FBXL4: variants seen among roughly 807,000 people sequenced by gnomAD.
FBXL4 encodes the protein F-box/LRR-repeat protein 4.
Under a neutral mutation model 58.9 loss-of-function variants are expected in FBXL4, and 40 were observed. That is an observed-to-expected ratio of 0.68 (90% CI 0.53 to 0.88). The LOEUF is 0.88. Ranked by LOEUF, FBXL4 falls within the 40% of genes least tolerant of loss-of-function variation. The probability of loss-of-function intolerance (pLI) is 0.00; values close to 1 mark genes in which losing one functional copy is unlikely to be tolerated. For missense variants in FBXL4, 676 were observed against 734.4 expected, an observed-to-expected ratio of 0.92 and a Z score of 0.92; for synonymous variants, 263 against 265.5, an observed-to-expected ratio of 0.99 and a Z score of 0.09.
At chr6:98,913,499 G>C (rs1309978140) in intron 5 of FBXL4, among the ~76,000 whole-genome samples, 2 of 152,096 alleles carry the variant, frequency 1.3e-5, no homozygotes, top group Non-Finnish European at 2.9e-5. Flanking sequence ...CTAGAACTCA[G>C]GATTAAGAAA....
rs1772783565 is a variant in FBXL4 at position 98,926,504 on chromosome 6, T to C, written c.485A>G (p.Tyr162Cys). 1.2e-6 allele frequency: 2 copies of C among 1,610,324 alleles called. No homozygotes were observed. Among genetic ancestry groups the C allele is most frequent in the Non-Finnish European group, 8.5e-7 (1 of 1,177,200 alleles). ...TACTTCAGCTGGTGGATTTGGGGAA[T>C]AAGGATTTGCAGAACAAGCGAGAAT... is the stretch of plus-strand genomic sequence containing the variant. ...IRILACSANP[Y>C]SPNPPAEVRW... Residue 162 changes from tyrosine (Y) to cysteine (C), a missense_variant, in exon 4 of 10, where the codon TAT becomes TGT. Physicochemically the swap from Tyr to Cys is radical, Grantham distance 194. Coordinates refer to ENST00000369244, the MANE Select transcript of FBXL4 (RefSeq NM_001278716.2).
rs1333306155 is a variant in FBXL4 at position 98,873,720 on chromosome 6, G to C, written c.*558C>G. On this transcript the variant is annotated 3_prime_UTR_variant, in exon 10 of 10. Coordinates refer to ENST00000369244, the MANE Select transcript of FBXL4 (RefSeq NM_001278716.2). ...CCTGCCTCCACCTCCTGTGTCGCTA[G>C]GACTACAAGTGTGTGCCACCACACC... 6.6e-6 allele frequency: 1 copy of C among 152,096 alleles called. No homozygotes were observed. Among genetic ancestry groups the C allele is most frequent in the African/African-American group, 2.4e-5 (1 of 41,366 alleles). The allele number at this position is 152,096 out of a possible 1,614,324, so 9.4% of individuals were successfully genotyped here.
intron 4 of FBXL4, among the ~76,000 whole-genome samples, chr6:98,920,676 G>A (rs1772545122): frequency 6.6e-6 from 1 of 152,070 alleles, no homozygotes; most frequent in Admixed American, 6.6e-5. Flanking sequence ...GTTAAAATGA[G>A]AAAGGTATCT....
chr6:98,887,140 C>A (rs1223748173), intron 7 of FBXL4, among the ~76,000 whole-genome samples: 1 of 152,060 alleles, frequency 6.6e-6, no homozygotes, highest in Non-Finnish European at 1.5e-5. Context: ...GTGGCACATG[C>A]CTGTGGTCCC....
intron 1 of FBXL4, among the ~76,000 whole-genome samples, chr6:98,944,624 C>T (rs1173501061): frequency 2.0e-5 from 3 of 152,110 alleles, no homozygotes; most frequent in African/African-American, 7.2e-5. Context: ...TTTATCTTTT[C>T]AGTGGTGTTT....
At chr6:98,931,916 G>C (rs983085510) in intron 2 of FBXL4, among the ~76,000 whole-genome samples, 2 of 152,214 alleles carry the variant, frequency 1.3e-5, no homozygotes, top group African/African-American at 4.8e-5. Flanking sequence ...CTGGACTTTT[G>C]CCAAGGCATG....
chr6:98,935,335 T>G (rs1198069696), intron 1 of FBXL4, among the ~76,000 whole-genome samples: 1 of 151,438 alleles, frequency 6.6e-6, no homozygotes, highest in Admixed American at 6.6e-5. Flanking sequence ...ATAATGGATC[T>G]GGAAACCCTC....
intron 5 of FBXL4, among the ~76,000 whole-genome samples, chr6:98,905,992 A>G (rs1771795130): frequency 6.6e-6 from 1 of 152,168 alleles, no homozygotes; most frequent in African/African-American, 2.4e-5. Context: ...CGTGCCAGAC[A>G]CTGGCGACAG....
intron 7 of FBXL4, among the ~76,000 whole-genome samples, chr6:98,897,683 C>T (rs1464038755): frequency 6.6e-6 from 1 of 152,118 alleles, no homozygotes; most frequent in Non-Finnish European, 1.5e-5. Context: ...GTCATCTGCT[C>T]GGCTTCTGGT....
Position 98,905,563 on chromosome 6 carries a change from G to A in FBXL4, c.966C>T (p.His322=). The change falls in exon 6 of 10, where the codon CAC becomes CAT. Residue 322 remains histidine (H), a synonymous_variant. Coordinates refer to ENST00000369244, the MANE Select transcript of FBXL4 (RefSeq NM_001278716.2). The part of the protein sequence containing the change: ...QHCCDPLQYI[H]LNLQPYWAKL... ...TTGCCCAGTATGGTTGCAGATTGAG[G>A]TGGATGTATTGCAGAGGATCACAGC... The A allele has an allele frequency of 6.2e-7, 1 of 1,613,994 alleles. No homozygotes were observed. The highest frequency in any genetic ancestry group is 1.3e-5 in the African/African-American group (1 of 75,028).
At chr6:98,913,078 G>C (rs1772165156) in intron 5 of FBXL4, among the ~76,000 whole-genome samples, 1 of 152,124 alleles carries the variant, frequency 6.6e-6, no homozygotes, top group South Asian at 2.1e-4. Context: ...AAGAGACAAA[G>C]AAGGCCATTA....
intron 8 of FBXL4, among the ~76,000 whole-genome samples, chr6:98,876,216 T>C (rs1330864883): frequency 6.6e-6 from 1 of 152,194 alleles, no homozygotes; most frequent in Non-Finnish European, 1.5e-5. Context: ...TTGGCTTAAA[T>C]GAGGCATTTG....
chr6:98,901,420 AC>A (rs773062153), intron 6 of FBXL4, among the ~76,000 whole-genome samples: 2 of 152,094 alleles, frequency 1.3e-5, no homozygotes, highest in Non-Finnish European at 2.9e-5. Flanking sequence ...GGGACAGTTG[AC>A]GTAGTGTGTG....
At chr6:98,939,806 G>A (rs916723764) in intron 1 of FBXL4, among the ~76,000 whole-genome samples, 1 of 152,212 alleles carries the variant, frequency 6.6e-6, no homozygotes, top group African/African-American at 2.4e-5. Context: ...TGAAAAATAC[G>A]TGAGAATCAC....
intron 7 of FBXL4, among the ~76,000 whole-genome samples, chr6:98,888,181 T>G (rs750274618): frequency 6.6e-6 from 1 of 152,240 alleles, no homozygotes; most frequent in Non-Finnish European, 1.5e-5. Context: ...GGCAAACTAC[T>G]GTCCACAGGC....
chr6:98,914,650 G>A (rs1341905480), intron 5 of FBXL4, among the ~76,000 whole-genome samples: 2 of 152,124 alleles, frequency 1.3e-5, no homozygotes, highest in African/African-American at 4.8e-5. Context: ...AATAAATTAG[G>A]TATTGATGGG....
In FBXL4 at chr6:98,870,762, A is replaced by C. The variant is rs1302332203; in HGVS notation, c.*3516T>G. On this transcript the variant is annotated 3_prime_UTR_variant, in exon 10 of 10. Coordinates refer to ENST00000369244, the MANE Select transcript of FBXL4 (RefSeq NM_001278716.2). ...TGTCAGAGTATGATGTTTAATATGCAATGTCATTATAGCTGTTCTTAAAGA... is the reference window on the plus strand; with the variant it reads ...TGTCAGAGTATGATGTTTAATATGCCATGTCATTATAGCTGTTCTTAAAGA... 3 of 152,308 alleles carry C rather than the reference A, an allele frequency of 2.0e-5. 1 individual carries two copies. In the East Asian group the frequency reaches 5.8e-4, roughly 29 times the overall value. The allele number at this position is 152,308 out of a possible 1,614,324, so 9.4% of individuals were successfully genotyped here.
At chr6:98,916,069 C>T (rs1224875922) in intron 5 of FBXL4, among the ~76,000 whole-genome samples, 1 of 152,076 alleles carries the variant, frequency 6.6e-6, no homozygotes, top group Admixed American at 6.5e-5. Context: ...TGAAAAAATG[C>T]TCATCATCAC....
At chr6:98,905,300 A>T (rs953154129) in intron 6 of FBXL4, 126 bp downstream of exon 6, 14 of 1,162,770 alleles carry the variant, frequency 1.2e-5, no homozygotes, top group Non-Finnish European at 1.6e-5. Flanking sequence ...CACTCAAAAT[A>T]TATTTCCTTT....
Sources: gnomAD v4.1 joint callset for allele counts (sites outside exome capture counted in the v4.1 genomes callset) on GRCh38, gnomAD v4.1.1 for gene constraint, MANE v1.5 for transcripts, NCBI Gene and HGNC (gene_info 2026-07-23, HGNC 2026-07-21) for gene names.